NR1H4: variants seen among roughly 807,000 people sequenced by gnomAD.
The protein encoded by NR1H4 is nuclear receptor subfamily 1 group H member 4, also known as bile acid receptor.
A neutral mutation model predicts 58.5 loss-of-function variants in NR1H4; 23 were observed. The observed-to-expected ratio is 0.39, with a 90% CI of 0.28 to 0.56. NR1H4 has a LOEUF of 0.56. Among genes scored for constraint, NR1H4 ranks in the 20% least tolerant of loss-of-function variants. The pLI is 0.58. For missense variants in NR1H4, 487 were observed against 576.9 expected (o/e 0.84, Z 1.60); for synonymous variants, 214 against 198.0 (o/e 1.08, Z -0.68).
At chr12:100,524,099 T>C (rs1454664125) in intron 4 of NR1H4, among the ~76,000 whole-genome samples, 2 of 152,126 alleles carry the variant, frequency 1.3e-5, no homozygotes, top group South Asian at 4.2e-4. Context: ...CAAACTAAGA[T>C]GATAAAAACT....
chr12:100,490,625 A>G (rs1211850678), intron 1 of NR1H4, among the ~76,000 whole-genome samples: 1 of 152,170 alleles, frequency 6.6e-6, no homozygotes, highest in Non-Finnish European at 1.5e-5. Flanking sequence ...AAGCCCATTT[A>G]TTATACAATA....
At chr12:100,560,300 C>G (rs1394140909) in intron 9 of NR1H4, among the ~76,000 whole-genome samples, 1 of 152,174 alleles carries the variant, frequency 6.6e-6, no homozygotes, top group Non-Finnish European at 1.5e-5. Flanking sequence ...GCAACCCACT[C>G]GGGTCCCCTT....
At position 100,563,530 on chromosome 12, in the gene NR1H4, C is replaced by T. The variant is rs1043635058; in HGVS notation, c.*41C>T. ...AGGGGTCTAGCTCCTTTTTCTCTCT[C>T]ATATTAATCTGATGTATAACTTTCC... On this transcript the variant is annotated 3_prime_UTR_variant, in exon 11 of 11. Transcript: ENST00000392986. The T allele has an allele frequency of 1.2e-5, 17 of 1,423,858 alleles. No individual in the cohort carries two copies. The highest frequency in any genetic ancestry group is 1.8e-4 in the Middle Eastern group (1 of 5,688). The allele number at this position is 1,423,858 out of a possible 1,614,324, so 88.2% of individuals were successfully genotyped here. A position where few individuals can be genotyped will look rare whatever the true frequency, so the allele number is the denominator to read the frequency against.
intron 9 of NR1H4, among the ~76,000 whole-genome samples, chr12:100,541,212 T>A (rs1954926086): frequency 6.6e-6 from 1 of 152,168 alleles, no homozygotes; most frequent in African/African-American, 2.4e-5. Context: ...CAAAATAAAA[T>A]AAGAAGACAT....
chr12:100,540,868 G>T (rs996960927), intron 9 of NR1H4, 50 bp downstream of exon 9: 6 of 1,593,106 alleles, frequency 3.8e-6, no homozygotes, highest in Non-Finnish European at 5.2e-6. Flanking sequence ...GAGTAAAATT[G>T]GTGTGCTTCA....
At chr12:100,502,921 A>G (rs1312044762) in intron 3 of NR1H4, among the ~76,000 whole-genome samples, 3 of 152,166 alleles carry the variant, frequency 2.0e-5, no homozygotes, top group Admixed American at 1.3e-4. Flanking sequence ...CAACCCCATG[A>G]TTCAATTATC....
chr12:100,545,495 A>G (rs1440409204), intron 9 of NR1H4, among the ~76,000 whole-genome samples: 1 of 151,586 alleles, frequency 6.6e-6, no homozygotes, highest in Non-Finnish European at 1.5e-5. Context: ...TAAAAAAATT[A>G]GCTGGGCATG....
intron 9 of NR1H4, among the ~76,000 whole-genome samples, chr12:100,561,575 C>A (rs1955475076): frequency 6.6e-6 from 1 of 152,028 alleles, no homozygotes; most frequent in Non-Finnish European, 1.5e-5. Context: ...AAAATGGAGA[C>A]GTTTTTGAGA....
chr12:100,498,034 A>G (rs973190781), intron 3 of NR1H4, among the ~76,000 whole-genome samples: 7 of 152,216 alleles, frequency 4.6e-5, no homozygotes, highest in Non-Finnish European at 8.8e-5. Context: ...AATAAGGAAT[A>G]AAATAGCGGG....
intron 9 of NR1H4, among the ~76,000 whole-genome samples, chr12:100,556,319 T>C (rs1018921705): frequency 6.6e-6 from 1 of 151,700 alleles, no homozygotes; most frequent in Non-Finnish European, 1.5e-5. Context: ...AATATAAAAT[T>C]AGCTGGGCAT....
chr12:100,493,827 G>A (rs1027082445), intron 3 of NR1H4, among the ~76,000 whole-genome samples: 2 of 152,098 alleles, frequency 1.3e-5, no homozygotes, highest in African/African-American at 2.4e-5. Context: ...CAGTTCCTCC[G>A]GTGCTGGGGG....
intron 7 of NR1H4, 140 bp downstream of exon 7, chr12:100,536,750 T>C: frequency 1.5e-6 from 1 of 683,652 alleles, no homozygotes. Flanking sequence ...TTTTAAACTC[T>C]CAGCAACATT....
At chr12:100,538,468 T>C (rs1954862241) in intron 8 of NR1H4, among the ~76,000 whole-genome samples, 1 of 152,184 alleles carries the variant, frequency 6.6e-6, no homozygotes, top group Admixed American at 6.5e-5. Context: ...GGGACTTACT[T>C]ATCCACACTC....
intron 10 of NR1H4, 21 bp downstream of exon 10, chr12:100,562,019 T>A: frequency 8.6e-7 from 1 of 1,160,844 alleles, no homozygotes; most frequent in Non-Finnish European, 1.3e-6. Flanking sequence ...TGTTACATTT[T>A]AATTTTTATG....
At chr12:100,491,412 A>G (rs1374035932) in intron 1 of NR1H4, among the ~76,000 whole-genome samples, 2 of 150,674 alleles carry the variant, frequency 1.3e-5, no homozygotes, top group Non-Finnish European at 1.5e-5. Flanking sequence ...TGCTTGTTGC[A>G]TTGGACGGAT....
intron 6 of NR1H4, among the ~76,000 whole-genome samples, chr12:100,535,226 T>G (rs74542812): frequency 0.018 from 2,815 of 152,322 alleles, 71 homozygotes; most frequent in African/African-American, 0.056. Context: ...GTGAAAGTTT[T>G]CCTTCTCTCT....
chr12:100,550,665 C>G (rs1955184416), intron 9 of NR1H4, among the ~76,000 whole-genome samples: 1 of 150,934 alleles, frequency 6.6e-6, no homozygotes, highest in African/African-American at 2.4e-5. Context: ...CGCGCCTGGC[C>G]CAAGTTTACA....
chr12:100,546,650 G>A (rs931545636), intron 9 of NR1H4, among the ~76,000 whole-genome samples: 2 of 152,024 alleles, frequency 1.3e-5, no homozygotes, highest in Non-Finnish European at 2.9e-5. Flanking sequence ...AGCCAAGATC[G>A]TGCCACTGCA....
Position 100,511,023 on chromosome 12 carries a change from A to AC in NR1H4, c.326dup (p.Lys111GlufsTer15). The AC allele has an allele frequency of 6.2e-7, 1 of 1,614,260 alleles. No homozygotes were observed. Among genetic ancestry groups the AC allele is most frequent in the Non-Finnish European group, 8.5e-7 (1 of 1,180,044 alleles). Reference sequence around the variant, plus strand: ...AACTGAGGTAGCAGAGATGCCTGTAACAAAGAAGCCCCGCATGGGCGCGTC... The same window carrying AC: ...AACTGAGGTAGCAGAGATGCCTGTAACCAAAGAAGCCCCGCATGGGCGCGTC... On this transcript the variant is annotated frameshift_variant, in exon 4 of 11. Coordinates refer to ENST00000392986, the MANE Select transcript of NR1H4 (RefSeq NM_001206979.2). LOFTEE classifies it high-confidence loss of function.
Sources: allele counts gnomAD v4.1 joint callset (sites outside exome capture counted in the v4.1 genomes callset), GRCh38; gene constraint gnomAD v4.1.1; transcripts MANE v1.5; gene names NCBI Gene and HGNC (gene_info 2026-07-23, HGNC 2026-07-21).